CHRNA7: variants seen among roughly 807,000 people sequenced by gnomAD.
CHRNA7 encodes the protein neuronal acetylcholine receptor subunit alpha-7.
In CHRNA7, 17 loss-of-function variants were observed where a neutral mutation model predicts 48.0. The ratio of observed to expected loss-of-function variants is 0.35; its 90% confidence interval spans 0.24 to 0.53. CHRNA7 has a LOEUF of 0.53. Among genes scored for constraint, CHRNA7 ranks in the 20% least tolerant of loss-of-function variants. CHRNA7 has a pLI of 0.92. For missense variants in CHRNA7, 155 were observed against 577.7 expected (o/e 0.27, Z 7.50); for synonymous variants, 75 against 242.3 (o/e 0.31, Z 6.41).
chr15:32,142,108 T>C (rs888238918), intron 4 of CHRNA7, among the ~76,000 whole-genome samples: 2 of 152,214 alleles, frequency 1.3e-5, no homozygotes, highest in Non-Finnish European at 2.9e-5. Context: ...ATACCTAGTT[T>C]ATTGAGAGTT....
chr15:32,114,667 A>C (rs1034488441), intron 4 of CHRNA7, among the ~76,000 whole-genome samples: 7 of 152,246 alleles, frequency 4.6e-5, no homozygotes, highest in African/African-American at 1.7e-4. Context: ...CATGAACCCA[A>C]CGTGGAATGA....
chr15:32,134,289 G>T (rs2051207853), intron 4 of CHRNA7, among the ~76,000 whole-genome samples: 2 of 152,044 alleles, frequency 1.3e-5, no homozygotes, highest in South Asian at 4.2e-4. Context: ...CTCCTGAGTA[G>T]CTGGGATTAC....
At chr15:32,069,473 C>T (rs536180524) in intron 2 of CHRNA7, among the ~76,000 whole-genome samples, 2 of 151,822 alleles carry the variant, frequency 1.3e-5, no homozygotes, top group Admixed American at 1.3e-4. Flanking sequence ...CATCAAGACC[C>T]AATTGCTACA....
chr15:32,152,474 A>AC (rs1218406623), intron 4 of CHRNA7, among the ~76,000 whole-genome samples: 1 of 152,136 alleles, frequency 6.6e-6, no homozygotes, highest in African/African-American at 2.4e-5. Context: ...ACATGCAGGG[A>AC]CACAGGGAGG....
At chr15:32,117,952 T>C (rs527940912) in intron 4 of CHRNA7, among the ~76,000 whole-genome samples, 1 of 152,334 alleles carries the variant, frequency 6.6e-6, no homozygotes, top group South Asian at 2.1e-4. Context: ...TTTACAAATA[T>C]TTGAATATCT....
Position 32,045,775 on chromosome 15 carries a change from G to A in CHRNA7, c.195+14738G>A, listed in dbSNP as rs551802396. 4.0e-5 allele frequency among the ~76,000 whole-genome samples: 6 copies of A among 149,782 alleles called. No individual in the cohort carries two copies. The East Asian group carries it at 9.9e-4, about 25-fold the overall frequency. ...GCTGGTGTGCTGCACCCATTAACTC[G>A]TCATTTAGCATTAGGTATATCTCCT... On this transcript the variant is annotated intron_variant, in intron 2 of 9. Transcript: ENST00000306901.
At chr15:32,053,907 G>A (rs6494185) in intron 2 of CHRNA7, among the ~76,000 whole-genome samples, 12,888 of 152,200 alleles carry the variant, frequency 0.085, 726 homozygotes, top group African/African-American at 0.14. Flanking sequence ...GGCAGTGGAC[G>A]AGGAGTAGGA....
chr15:32,103,750 C>T lies in CHRNA7; in HGVS notation c.240+2403C>T, dbSNP rs565174001. 9.9e-5 allele frequency among the ~76,000 whole-genome samples: 15 copies of T among 152,258 alleles called. No individual in the cohort carries two copies. The South Asian group carries it at 2.1e-3, about 21-fold the overall frequency. Reference sequence around the variant, plus strand: ...CTGCCAGTAGCATCAAAATAGTGTCCGTGGGTCATTCTCACTCTTGTCTCT... The same window carrying T: ...CTGCCAGTAGCATCAAAATAGTGTCTGTGGGTCATTCTCACTCTTGTCTCT... On this transcript the variant is annotated intron_variant, in intron 3 of 9. Coordinates refer to ENST00000306901, the MANE Select transcript of CHRNA7 (RefSeq NM_000746.6).
chr15:32,123,973 A>G (rs554257720), intron 4 of CHRNA7, among the ~76,000 whole-genome samples: 1 of 151,708 alleles, frequency 6.6e-6, no homozygotes, highest in South Asian at 2.1e-4. Flanking sequence ...CCAAAAAAAA[A>G]AAAAAAAAAC....
At position 32,030,565 on chromosome 15, in the gene CHRNA7, C is replaced by T. The variant is rs1901758637; in HGVS notation, c.-30C>T. On this transcript the variant is annotated 5_prime_UTR_variant, in exon 1 of 10. Coordinates refer to ENST00000306901, the MANE Select transcript of CHRNA7 (RefSeq NM_000746.6). Reference sequence around the variant, plus strand: ...CGGGCGACAGCCGAGACGTGGAGCGCGCCGGCTCGCTGCAGCTCCGGGACT... The same window carrying T: ...CGGGCGACAGCCGAGACGTGGAGCGTGCCGGCTCGCTGCAGCTCCGGGACT... 2.0e-6 allele frequency: 3 copies of T among 1,468,592 alleles called. No homozygotes were observed. The highest frequency in any genetic ancestry group is 1.5e-5 in the African/African-American group (1 of 68,002). The allele number at this position is 1,468,592 out of a possible 1,614,324, so 91.0% of individuals were successfully genotyped here.
rs949391867 is a variant in CHRNA7, at chr15:32,144,724, G to A, written c.351-9183G>A. On this transcript the variant is annotated intron_variant, in intron 4 of 9. Transcript: ENST00000306901. ...GATCGAATCGGCTATTGAAGCTTGTGCATGTGTCATGAAGTTCTCATGCTG... is the reference window on the plus strand; with the variant it reads ...GATCGAATCGGCTATTGAAGCTTGTACATGTGTCATGAAGTTCTCATGCTG... 1.1e-4 allele frequency among the ~76,000 whole-genome samples: 17 copies of A among 152,250 alleles called. 1 individual carries two copies. In the South Asian group the frequency reaches 1.9e-3, roughly 17 times the overall value.
At chr15:32,124,315 A>C (rs547438396) in intron 4 of CHRNA7, among the ~76,000 whole-genome samples, 5 of 152,238 alleles carry the variant, frequency 3.3e-5, no homozygotes, top group Non-Finnish European at 7.3e-5. Flanking sequence ...TATATTGATT[A>C]AAGGAAAATT....
intron 4 of CHRNA7, among the ~76,000 whole-genome samples, chr15:32,120,874 G>A (rs34589529): frequency 0.15 from 23,584 of 152,160 alleles, 2,304 homozygotes; most frequent in Middle Eastern, 0.25. Context: ...ATAAATACAT[G>A]AGACAGGAAC....
intron 3 of CHRNA7, 63 bp from the exon 4 acceptor site, chr15:32,111,727 C>T (rs558958460): frequency 6.4e-6 from 6 of 932,394 alleles, no homozygotes; most frequent in South Asian, 3.0e-5. Context: ...ACCTAATAAT[C>T]GCTTATGAGA....
At chr15:32,113,650 A>G (rs2050799998) in intron 4 of CHRNA7, among the ~76,000 whole-genome samples, 1 of 152,188 alleles carries the variant, frequency 6.6e-6, no homozygotes. Flanking sequence ...TGGCACTTGG[A>G]AAAGAGCACA....
chr15:32,063,328 A>G (rs2049910419), intron 2 of CHRNA7, among the ~76,000 whole-genome samples: 1 of 152,206 alleles, frequency 6.6e-6, no homozygotes, highest in African/African-American at 2.4e-5. Context: ...CTATGGGACC[A>G]CTTTCAGATA....
intron 4 of CHRNA7, among the ~76,000 whole-genome samples, chr15:32,135,393 A>T (rs1170656330): frequency 1.3e-5 from 2 of 152,236 alleles, no homozygotes; most frequent in Non-Finnish European, 2.9e-5. Context: ...GTACAAATTT[A>T]TATAGAGTAA....
chr15:32,097,609 C>T (rs576478275), intron 2 of CHRNA7, among the ~76,000 whole-genome samples: 1 of 152,292 alleles, frequency 6.6e-6, no homozygotes, highest in African/African-American at 2.4e-5. Context: ...ATAAGCTACC[C>T]AGTGTATGAT....
At chr15:32,045,034 T>C (rs4779563) in intron 2 of CHRNA7, among the ~76,000 whole-genome samples, 91,820 of 152,168 alleles carry the variant, frequency 0.6, 31,815 homozygotes, top group Non-Finnish European at 0.78. Flanking sequence ...TCCCATTTAT[T>C]GACTCCTTTT....
Sources: allele counts gnomAD v4.1 joint callset (sites outside exome capture counted in the v4.1 genomes callset), GRCh38; gene constraint gnomAD v4.1.1; transcripts MANE v1.5; gene names NCBI Gene and HGNC (gene_info 2026-07-23, HGNC 2026-07-21).